DDX10: variants seen among roughly 807,000 people sequenced by gnomAD.
DDX10 encodes the protein DEAD-box helicase 10, also known as probable ATP-dependent RNA helicase DDX10.
A neutral mutation model predicts 104.3 loss-of-function variants in DDX10; 74 were observed. That is an observed-to-expected ratio of 0.71 (90% CI 0.59 to 0.86). The LOEUF (loss-of-function observed/expected upper bound fraction) is 0.86. DDX10 is among the 40% of genes least tolerant of loss of function. The pLI is 0.00. For synonymous variants in DDX10, 351 were observed against 353.4 expected, an observed-to-expected ratio of 0.99 and a Z score of 0.08; for missense variants, 952 against 1,040.0, an observed-to-expected ratio of 0.92 and a Z score of 1.16.
intron 10 of DDX10, 147 bp from the exon 11 acceptor site, chr11:108,715,732 C>A: frequency 1.7e-6 from 1 of 579,930 alleles, no homozygotes; most frequent in Admixed American, 3.1e-5. Context: ...AAACTTATGT[C>A]TAGTTTAATT....
chr11:108,852,338 G>A (rs1211746574), intron 16 of DDX10, 129 bp downstream of exon 16: 3 of 628,112 alleles, frequency 4.8e-6, no homozygotes, highest in Non-Finnish European at 8.0e-6. Flanking sequence ...TTTCAACATG[G>A]ATTTTATATA....
chr11:108,864,994 A>G (rs1391215393), intron 16 of DDX10, among the ~76,000 whole-genome samples: 2 of 152,122 alleles, frequency 1.3e-5, no homozygotes, highest in Non-Finnish European at 1.5e-5. Context: ...TCTAAAACCA[A>G]TGCTGGGATA....
intron 17 of DDX10, among the ~76,000 whole-genome samples, chr11:108,939,238 T>G (rs1419259596): frequency 1.3e-5 from 2 of 152,214 alleles, no homozygotes; most frequent in African/African-American, 4.8e-5. Context: ...AAATGTTGAC[T>G]GAGTCAACTC....
chr11:108,735,724 T>C (rs1256102067), intron 13 of DDX10, among the ~76,000 whole-genome samples: 3 of 151,986 alleles, frequency 2.0e-5, no homozygotes, highest in Non-Finnish European at 4.4e-5. Flanking sequence ...AAAAAAAGTA[T>C]TCCAGCTTTA....
intron 13 of DDX10, among the ~76,000 whole-genome samples, chr11:108,817,633 A>G (rs1446469355): frequency 6.6e-6 from 1 of 152,258 alleles, no homozygotes; most frequent in Non-Finnish European, 1.5e-5. Flanking sequence ...TACTTACAGT[A>G]TGGTAGATAG....
intron 13 of DDX10, among the ~76,000 whole-genome samples, chr11:108,804,415 C>A (rs1031527226): frequency 6.8e-6 from 1 of 147,112 alleles, no homozygotes; most frequent in Non-Finnish European, 1.5e-5. Context: ...GTGAGATGAT[C>A]TCTTGAGCTT....
intron 13 of DDX10, among the ~76,000 whole-genome samples, chr11:108,776,335 A>G (rs1006472606): frequency 5.9e-5 from 9 of 152,118 alleles, no homozygotes; most frequent in Non-Finnish European, 1.2e-4. Context: ...GAATTTGTGG[A>G]GGATTATACA....
intron 13 of DDX10, among the ~76,000 whole-genome samples, chr11:108,812,946 C>T (rs941887994): frequency 5.9e-5 from 7 of 118,710 alleles, no homozygotes; most frequent in Admixed American, 2.5e-4. Context: ...GGTGCCACTG[C>T]ACTCCAGCCT....
At chr11:108,705,784 G>A (rs936199560) in intron 9 of DDX10, among the ~76,000 whole-genome samples, 3 of 152,102 alleles carry the variant, frequency 2.0e-5, no homozygotes, top group African/African-American at 4.8e-5. Flanking sequence ...CTGCTTGTAT[G>A]TAATGGCTGA....
rs554550285 is a variant in DDX10 at position 108,735,307 on chromosome 11, C to T, written c.1965+11845C>T. 7.9e-5 allele frequency among the ~76,000 whole-genome samples: 12 copies of T among 152,234 alleles called. No homozygotes were observed. In the South Asian group the frequency reaches 2.3e-3, roughly 29 times the overall value. On this transcript the variant is annotated intron_variant, in intron 13 of 17. Transcript: ENST00000322536. ...ATTTATTCAGCAAATATTTGAACAC[C>T]TGCTGTGTGCTAGGCATTGAGAGCT...
At chr11:108,728,059 A>C (rs187733402) in intron 13 of DDX10, among the ~76,000 whole-genome samples, 3 of 152,056 alleles carry the variant, frequency 2.0e-5, no homozygotes, top group African/African-American at 4.8e-5. Context: ...GAAAAAAAAA[A>C]CCCAGAAAGC....
At chr11:108,871,654 C>T (rs180679218) in intron 16 of DDX10, among the ~76,000 whole-genome samples, 8 of 152,302 alleles carry the variant, frequency 5.3e-5, no homozygotes, top group African/African-American at 9.6e-5. Flanking sequence ...TTGGGCTGGG[C>T]GCGTTGGCTC....
At chr11:108,672,235 T>G (rs2094218110) in intron 1 of DDX10, among the ~76,000 whole-genome samples, 1 of 152,168 alleles carries the variant, frequency 6.6e-6, no homozygotes, top group African/African-American at 2.4e-5. Context: ...TCGCTTTGCC[T>G]GTACTGTGTC....
intron 16 of DDX10, among the ~76,000 whole-genome samples, chr11:108,915,773 G>A (rs1024621869): frequency 6.6e-6 from 1 of 151,922 alleles, no homozygotes; most frequent in African/African-American, 2.4e-5. Flanking sequence ...AAGAATAACT[G>A]CAGTTTTCTG....
chr11:108,840,868 C>T (rs538703611), intron 14 of DDX10, among the ~76,000 whole-genome samples: 1 of 152,220 alleles, frequency 6.6e-6, no homozygotes, highest in South Asian at 2.1e-4. Flanking sequence ...GAAACAGGAA[C>T]ATAAAACAAC....
chr11:108,705,097 G>T (rs2134460303), intron 9 of DDX10, among the ~76,000 whole-genome samples: 1 of 152,228 alleles, frequency 6.6e-6, no homozygotes, highest in Middle Eastern at 3.4e-3. Context: ...GAGACATTCT[G>T]GGGCCTCTAA....
intron 13 of DDX10, among the ~76,000 whole-genome samples, chr11:108,770,456 C>T (rs1263066245): frequency 6.6e-6 from 1 of 151,492 alleles, no homozygotes; most frequent in East Asian, 1.9e-4. Flanking sequence ...TCTTTCTAAC[C>T]ACTTTTTTTT....
intron 15 of DDX10, among the ~76,000 whole-genome samples, chr11:108,851,083 C>T (rs187340446): frequency 1.3e-5 from 2 of 152,182 alleles, no homozygotes; most frequent in East Asian, 3.9e-4. Flanking sequence ...CAATTTTATT[C>T]CTCTCTGTAG....
chr11:108,674,278 C>T (rs1451528921), intron 2 of DDX10, among the ~76,000 whole-genome samples: 1 of 151,244 alleles, frequency 6.6e-6, no homozygotes, highest in African/African-American at 2.4e-5. Context: ...CCAGCCTGGG[C>T]AACAGAGTGA....
Sources: allele counts gnomAD v4.1 joint callset (sites outside exome capture counted in the v4.1 genomes callset), GRCh38; gene constraint gnomAD v4.1.1; transcripts MANE v1.5; gene names NCBI Gene and HGNC (gene_info 2026-07-23, HGNC 2026-07-21).